NEK1: variants seen among roughly 807,000 people sequenced by gnomAD.
The protein encoded by NEK1 is NIMA related kinase 1.
A neutral mutation model predicts 182.1 loss-of-function variants in NEK1; 137 were observed. The observed-to-expected ratio is 0.75, with a 90% confidence interval of 0.65 to 0.87. The LOEUF is 0.87. Ranked by LOEUF, NEK1 falls within the 40% of genes least tolerant of loss-of-function variation. NEK1 has a pLI of 0.00. For missense variants in NEK1, 1,391 were observed against 1,494.4 expected, an observed-to-expected ratio of 0.93 and a Z score of 1.14; for synonymous variants, 513 against 492.2, an observed-to-expected ratio of 1.04 and a Z score of -0.56.
rs760376432 is a variant in NEK1 at position 169,588,738 on chromosome 4, A to G, written c.465-3T>C. ...AAGTTCGAGCCAGCTCTACAGTACT[A>G]GAAGAAAAATAAAATTATTGGAGAA... is the stretch of plus-strand genomic sequence containing the variant. On this transcript the variant is annotated splice_polypyrimidine_tract_variant and splice_region_variant and intron_variant, in intron 7 of 35. Transcript: ENST00000507142. 59 of 1,528,118 alleles carry G rather than the reference A, an allele frequency of 3.9e-5. No homozygotes were observed. In the Admixed American group the frequency reaches 1.1e-3, roughly 28 times the overall value. 94.7% of individuals were successfully genotyped at this position (1,528,118 alleles called of 1,614,324 possible).
At chr4:169,593,245 A>T (rs776924180) in intron 5 of NEK1, among the ~76,000 whole-genome samples, 4 of 152,198 alleles carry the variant, frequency 2.6e-5, no homozygotes, top group Non-Finnish European at 2.9e-5. Context: ...TGCAGGCCAG[A>T]TGGTTTCTGT....
chr4:169,601,515 A>G (rs1171825390), intron 4 of NEK1, among the ~76,000 whole-genome samples: 1 of 152,146 alleles, frequency 6.6e-6, no homozygotes, highest in Admixed American at 6.5e-5. Context: ...CCTCACTATT[A>G]TAATAGTGAG....
chr4:169,542,650 C>G (rs777881437), intron 18 of NEK1, among the ~76,000 whole-genome samples: 7 of 152,048 alleles, frequency 4.6e-5, no homozygotes, highest in Admixed American at 3.9e-4. Context: ...TCTCTACATC[C>G]TCTCCAGCAT....
chr4:169,524,223 A>G (rs759548936), intron 19 of NEK1, among the ~76,000 whole-genome samples: 18 of 152,102 alleles, frequency 1.2e-4, no homozygotes, highest in Non-Finnish European at 2.5e-4. Context: ...AAAAATGTTG[A>G]ATGGGCCGGG....
intron 23 of NEK1, among the ~76,000 whole-genome samples, chr4:169,498,156 T>C (rs181941164): frequency 2.2e-3 from 337 of 152,376 alleles, no homozygotes; most frequent in Non-Finnish European, 4.0e-3. Flanking sequence ...TTTACAATTA[T>C]GTAATGGCCT....
chr4:169,448,776 G>A (rs1456178764), intron 27 of NEK1, among the ~76,000 whole-genome samples: 1 of 152,224 alleles, frequency 6.6e-6, no homozygotes, highest in Non-Finnish European at 1.5e-5. Flanking sequence ...TTCCAACTGA[G>A]GTACCTGGTT....
chr4:169,599,185 A>G lies in NEK1; in HGVS notation c.227T>C (p.Leu76Pro). 1 of 1,609,626 alleles carries G rather than the reference A, an allele frequency of 6.2e-7. No homozygotes were observed. Among genetic ancestry groups the G allele is most frequent in the Non-Finnish European group, 8.5e-7 (1 of 1,177,036 alleles). Residue 76 changes from leucine (L) to proline (P), a missense_variant, in exon 5 of 36, where the codon CTC becomes CCC. Leu to Pro is a moderately conservative substitution (Grantham distance 98, BLOSUM62 -3). Coordinates refer to ENST00000507142, the MANE Select transcript of NEK1 (RefSeq NM_001199397.3). ...YRESFEENGS[L>P]YIVMDYCEGG... The stretch of plus-strand genomic sequence containing the variant: ...CTCACAGTAATCCATTACTATGTAG[A>G]GAGAGCCATTTTCTACAAAATATAA...
chr4:169,538,536 T>G (rs1451504531), intron 18 of NEK1, among the ~76,000 whole-genome samples: 1 of 152,214 alleles, frequency 6.6e-6, no homozygotes. Context: ...GATCTTAGAC[T>G]ATAAATAAAA....
chr4:169,487,685 G>A (rs950084928), intron 23 of NEK1, among the ~76,000 whole-genome samples: 2 of 152,242 alleles, frequency 1.3e-5, no homozygotes, highest in East Asian at 1.9e-4. Context: ...ACCCAGTAAT[G>A]GGATTGCTGG....
At chr4:169,411,360 C>T (rs1733648779) in intron 31 of NEK1, among the ~76,000 whole-genome samples, 1 of 150,226 alleles carries the variant, frequency 6.7e-6, no homozygotes, top group Admixed American at 6.6e-5. Flanking sequence ...GTGTCTCGCT[C>T]TTGCTGCCCA....
chr4:169,447,732 G>A (rs987429684), intron 27 of NEK1, among the ~76,000 whole-genome samples: 6 of 152,078 alleles, frequency 3.9e-5, no homozygotes, highest in African/African-American at 1.4e-4. Flanking sequence ...AGCCAGGTGT[G>A]GTGGCACACA....
rs111471788 is a variant in NEK1 at position 169,425,898 on chromosome 4, G to C, written c.2974+248C>G. ...GTCCTTAGTACACTGGCTTAGCTTT[G>C]GCAAGTAATTCTTTTCATTTTTAAT... On this transcript the variant is annotated intron_variant, in intron 30 of 35. Transcript: ENST00000507142. Among the ~76,000 whole-genome samples the C allele has an allele frequency of 0.023, 3,553 of 152,150 alleles. 52 individuals are homozygous for C. The highest frequency in any genetic ancestry group is 0.036 in the Non-Finnish European group (2,426 of 68,004).
intron 23 of NEK1, among the ~76,000 whole-genome samples, chr4:169,489,126 G>GCA (rs1447221217): frequency 1.3e-5 from 2 of 152,062 alleles, no homozygotes; most frequent in African/African-American, 4.8e-5. Flanking sequence ...ATTTCCTTAT[G>GCA]CACAGCTCTG....
chr4:169,433,807 G>A (rs1460119134), intron 28 of NEK1, 142 bp from the exon 29 acceptor site: 1 of 775,016 alleles, frequency 1.3e-6, no homozygotes, highest in Non-Finnish European at 2.0e-6. Context: ...TCTCTCTATA[G>A]GGTTTAACTC....
At position 169,559,620 on chromosome 4, in the gene NEK1, C is replaced by A. The variant is rs72692937; in HGVS notation, c.1266+1860G>T. On this transcript the variant is annotated intron_variant, in intron 16 of 35. Coordinates refer to ENST00000507142, the MANE Select transcript of NEK1 (RefSeq NM_001199397.3). ...AATTATAACTTTTGGAGAAAAAAAA[C>A]CAAGAATTATAATTGATCCAATTTG... is the stretch of plus-strand genomic sequence containing the variant. 3.8e-3 allele frequency among the ~76,000 whole-genome samples: 582 copies of A among 152,028 alleles called. 3 individuals carry two copies. Among genetic ancestry groups the A allele is most frequent in the South Asian group, 0.022 (106 of 4,824 alleles).
chr4:169,421,517 C>T (rs1735487346), intron 31 of NEK1, among the ~76,000 whole-genome samples: 1 of 152,040 alleles, frequency 6.6e-6, no homozygotes. Flanking sequence ...GGGCAGATTT[C>T]CCCCATGCTA....
intron 35 of NEK1, among the ~76,000 whole-genome samples, chr4:169,396,249 C>A (rs1333530038): frequency 6.6e-6 from 1 of 151,196 alleles, no homozygotes; most frequent in East Asian, 1.9e-4. Context: ...GCCTGTAATG[C>A]CAGCTACTTG....
chr4:169,484,709 G>A (rs560720757), intron 23 of NEK1, among the ~76,000 whole-genome samples: 10 of 152,224 alleles, frequency 6.6e-5, no homozygotes, highest in South Asian at 2.1e-4. Flanking sequence ...TTCATTGTTC[G>A]GGAAGGCCAT....
At chr4:169,474,100 AT>A (rs1223512236) in intron 26 of NEK1, among the ~76,000 whole-genome samples, 4 of 152,210 alleles carry the variant, frequency 2.6e-5, no homozygotes, top group African/African-American at 9.6e-5. Flanking sequence ...AAGCAGCCAC[AT>A]TAAGGACTTG....
Sources: gnomAD v4.1 joint callset for allele counts (sites outside exome capture counted in the v4.1 genomes callset) on GRCh38, gnomAD v4.1.1 for gene constraint, MANE v1.5 for transcripts, NCBI Gene and HGNC (gene_info 2026-07-23, HGNC 2026-07-21) for gene names.